FRMPD4: variants seen among roughly 807,000 people sequenced by gnomAD.
The protein encoded by FRMPD4 is FERM and PDZ domain containing 4.
In FRMPD4, 22 loss-of-function variants were observed where a neutral mutation model predicts 94.1. That is an observed-to-expected ratio of 0.23 (90% CI 0.17 to 0.33). The LOEUF is 0.33. Among genes scored for constraint, FRMPD4 ranks in the 10% least tolerant of loss-of-function variants. FRMPD4 has a pLI of 1.00. For missense variants in FRMPD4, 1,111 were observed against 1,339.9 expected, an observed-to-expected ratio of 0.83 and a Z score of 2.67; for synonymous variants, 631 against 548.6, an observed-to-expected ratio of 1.15 and a Z score of -2.10.
intron 4 of FRMPD4, among the ~76,000 whole-genome samples, chrX:12,629,135 A>G (rs1363524484): frequency 8.9e-6 from 1 of 112,358 alleles, no homozygotes; most frequent in African/African-American, 3.2e-5. Context: ...ACAGTTCAAG[A>G]TGAAATTTGG....
chrX:12,084,787 G>C (rs2055093781), intron 3 of FRMPD4, among the ~76,000 whole-genome samples: 1 of 112,186 alleles, frequency 8.9e-6, no homozygotes. Context: ...TTACTTAAGA[G>C]CGAGATCCCC....
chrX:12,126,329 A>G (rs1427662407), intron 3 of FRMPD4, among the ~76,000 whole-genome samples: 1 of 112,303 alleles, frequency 8.9e-6, no homozygotes, highest in African/African-American at 3.2e-5. Context: ...GCAAAAAGCC[A>G]TGGAGAGGAG....
At chrX:12,634,824 CTTTTTTTTTTTTT>C (rs780126204) in intron 4 of FRMPD4, among the ~76,000 whole-genome samples, 1 of 52,222 alleles carries the variant, frequency 1.9e-5, no homozygotes, top group Non-Finnish European at 3.3e-5. Context: ...GTCCATCTCT[CTTTTTTTTTTTTT>C]TTTTTTTTTT....
chrX:12,207,963 A>C (rs970665089), intron 1 of FRMPD4, among the ~76,000 whole-genome samples: 13 of 111,726 alleles, frequency 1.2e-4, no homozygotes, highest in African/African-American at 3.9e-4. Flanking sequence ...TTGGCAAACA[A>C]TTCAAGATTT....
chrX:12,262,064 T>A (rs1342604918), intron 1 of FRMPD4, among the ~76,000 whole-genome samples: 1 of 110,938 alleles, frequency 9.0e-6, no homozygotes, highest in East Asian at 2.8e-4. Flanking sequence ...TGTAGCAGTT[T>A]GGGGCAGAAG....
chrX:12,192,860 T>C (rs1278982433), intron 1 of FRMPD4, among the ~76,000 whole-genome samples: 1 of 111,591 alleles, frequency 9.0e-6, no homozygotes, highest in Non-Finnish European at 1.9e-5. Context: ...ACTTTGAGAA[T>C]CCCTGCTGTA....
chrX:11,945,897 T>C (rs1395319776), intron 3 of FRMPD4, among the ~76,000 whole-genome samples: 1 of 112,067 alleles, frequency 8.9e-6, no homozygotes. Context: ...TTGTCCAAGG[T>C]TACACACAAG....
intron 3 of FRMPD4, among the ~76,000 whole-genome samples, chrX:11,897,150 C>CA (rs997285182): frequency 0.15 from 5,926 of 40,487 alleles, 218 homozygotes; most frequent in East Asian, 0.37. Context: ...GGATGAATTA[C>CA]AAAAAAAAAA....
At chrX:12,153,182 C>T (rs1001831117) in intron 1 of FRMPD4, among the ~76,000 whole-genome samples, 2 of 111,048 alleles carry the variant, frequency 1.8e-5, no homozygotes, top group East Asian at 2.8e-4. Context: ...ATGATCCACC[C>T]GCCTCGGCCT....
At chrX:12,529,622 C>T (rs1001471771) in intron 2 of FRMPD4, among the ~76,000 whole-genome samples, 13 of 112,274 alleles carry the variant, frequency 1.2e-4, no homozygotes, top group African/African-American at 3.9e-4. Context: ...TCTCAAGATA[C>T]TCACAGTCTG....
intron 10 of FRMPD4, 142 bp from the exon 11 acceptor site, chrX:12,704,215 TAA>T (rs2041837277): frequency 7.7e-6 from 3 of 390,608 alleles, no homozygotes; most frequent in South Asian, 7.2e-5. Context: ...GAGTGTAAAT[TAA>T]AAGTTACTTC....
intron 1 of FRMPD4, among the ~76,000 whole-genome samples, chrX:12,269,902 T>A (rs746939475): frequency 1.1e-4 from 12 of 112,518 alleles, no homozygotes; most frequent in Admixed American, 1.0e-3. Context: ...GAAATAGGTA[T>A]TTGAACCATG....
Position 11,955,555 on chromosome X carries a change from C to T in FRMPD4, c.95+77537C>T, listed in dbSNP as rs1025022758. The stretch of plus-strand genomic sequence containing the variant: ...TCACGAGGTCAGGAGATCGAGACCA[C>T]GGTGAAACCCCGTCTCTACTAAAAA... On this transcript the variant is annotated intron_variant, in intron 3 of 18. Coordinates refer to the FRMPD4 transcript ENST00000640291. Among the ~76,000 whole-genome samples, 11 of 109,616 alleles carry T rather than the reference C, an allele frequency of 1.0e-4. No individual in the cohort carries two copies. In the South Asian group the frequency reaches 2.0e-3, roughly 20 times the overall value.
chrX:12,099,919 A>G (rs2055239998), intron 3 of FRMPD4, among the ~76,000 whole-genome samples: 1 of 112,158 alleles, frequency 8.9e-6, no homozygotes, highest in African/African-American at 3.2e-5. Context: ...ATACAATCTA[A>G]CTCAGAGGTC....
chrX:12,183,658 C>G lies in FRMPD4; in HGVS notation c.41+44646C>G, dbSNP rs558109147. Among the ~76,000 whole-genome samples the G allele has an allele frequency of 4.8e-4, 53 of 111,436 alleles. No individual in the cohort carries two copies. In the South Asian group the frequency reaches 0.02, roughly 41 times the overall value. On this transcript the variant is annotated intron_variant, in intron 1 of 16. Transcript: ENST00000675598. The stretch of plus-strand genomic sequence containing the variant: ...ACAGATTTGTGCTTAGCTTTGGTTA[C>G]TTTTGAAGATTTTATATATAGCGAG...
At chrX:12,641,022 T>C (rs1167153896) in intron 4 of FRMPD4, among the ~76,000 whole-genome samples, 1 of 111,324 alleles carries the variant, frequency 9.0e-6, no homozygotes, top group Non-Finnish European at 1.9e-5. Flanking sequence ...ATCTCTAATT[T>C]TTTTTAAAGA....
chrX:12,181,076 G>A (rs2056352540), intron 1 of FRMPD4, among the ~76,000 whole-genome samples: 1 of 111,575 alleles, frequency 9.0e-6, no homozygotes, highest in Admixed American at 9.5e-5. Flanking sequence ...CACAGTGGGG[G>A]TTTGCATTCA....
intron 3 of FRMPD4, among the ~76,000 whole-genome samples, chrX:11,977,209 T>C (rs1361875603): frequency 8.9e-6 from 1 of 112,255 alleles, no homozygotes; most frequent in African/African-American, 3.2e-5. Flanking sequence ...TTGTGTAAAT[T>C]TGCTTTTAAA....
chrX:12,595,323 G>A (rs2059021409), intron 2 of FRMPD4, among the ~76,000 whole-genome samples: 1 of 111,725 alleles, frequency 9.0e-6, no homozygotes, highest in Non-Finnish European at 1.9e-5. Context: ...CAGAAAGTAA[G>A]TCACACTAAT....
Sources: allele counts gnomAD v4.1 joint callset (sites outside exome capture counted in the v4.1 genomes callset), GRCh38; gene constraint gnomAD v4.1.1; transcripts MANE v1.5; gene names NCBI Gene and HGNC (gene_info 2026-07-23, HGNC 2026-07-21).